Variants in IL1RAPL1 observed in about 807,000 individuals in gnomAD.
IL1RAPL1 encodes interleukin 1 receptor accessory protein like 1, also known as interleukin-1 receptor accessory protein-like 1.
A neutral mutation model predicts 48.4 loss-of-function variants in IL1RAPL1; 3 were observed. The observed-to-expected ratio is 0.06, with a 90% CI of 0.03 to 0.16. The LOEUF is 0.16. IL1RAPL1 is among the 10% of genes least tolerant of loss of function. IL1RAPL1 has a pLI of 1.00. For missense variants in IL1RAPL1, 349 were observed against 530.6 expected (o/e 0.66, Z 3.36); for synonymous variants, 185 against 187.7 (o/e 0.99, Z 0.12).
chrX:29,746,042 T>A (rs777698269), intron 6 of IL1RAPL1, among the ~76,000 whole-genome samples: 4 of 111,915 alleles, frequency 3.6e-5, no homozygotes, highest in African/African-American at 1.3e-4. Flanking sequence ...ATCATATTAG[T>A]GCAATTGTCA....
intron 6 of IL1RAPL1, among the ~76,000 whole-genome samples, chrX:29,792,420 A>G (rs943854512): frequency 1.8e-5 from 2 of 111,741 alleles, no homozygotes; most frequent in African/African-American, 6.5e-5. Context: ...TCAAGATCAC[A>G]GTGTTGGCAG....
chrX:29,002,054 T>C (rs1925866999), intron 2 of IL1RAPL1, among the ~76,000 whole-genome samples: 3 of 109,278 alleles, frequency 2.7e-5, no homozygotes, highest in Non-Finnish European at 5.7e-5. Flanking sequence ...TGCCACTATG[T>C]CCGGCTAATT....
At chrX:28,696,285 T>A (rs762801783) in intron 1 of IL1RAPL1, among the ~76,000 whole-genome samples, 30 of 110,998 alleles carry the variant, frequency 2.7e-4, no homozygotes, top group Non-Finnish European at 4.4e-4. Context: ...TTCTTATATT[T>A]CTATTTAGGA....
chrX:28,874,738 A>T (rs1258788346), intron 2 of IL1RAPL1, among the ~76,000 whole-genome samples: 1 of 112,358 alleles, frequency 8.9e-6, no homozygotes, highest in African/African-American at 3.2e-5. Context: ...TTTCATTTAG[A>T]TTTAAGATGT....
intron 5 of IL1RAPL1, among the ~76,000 whole-genome samples, chrX:29,444,071 G>T (rs1376045958): frequency 8.9e-6 from 1 of 112,399 alleles, no homozygotes; most frequent in African/African-American, 3.2e-5. Context: ...GCTGGGCGCC[G>T]TGGCTCACGC....
At chrX:29,161,870 G>T (rs1484598730) in intron 2 of IL1RAPL1, among the ~76,000 whole-genome samples, 1 of 111,902 alleles carries the variant, frequency 8.9e-6, no homozygotes, top group African/African-American at 3.2e-5. Flanking sequence ...TATACCCAAA[G>T]GATTATAAAT....
chrX:29,495,998 A>G (rs17282718), intron 5 of IL1RAPL1, among the ~76,000 whole-genome samples: 1,572 of 110,855 alleles, frequency 0.014, 15 homozygotes, highest in Middle Eastern at 0.037. Flanking sequence ...GCAAATCTGA[A>G]GACCTCCTAG....
intron 2 of IL1RAPL1, among the ~76,000 whole-genome samples, chrX:29,268,019 A>G (rs1931983626): frequency 9.0e-6 from 1 of 111,176 alleles, no homozygotes; most frequent in African/African-American, 3.3e-5. Flanking sequence ...TGAAGTGTTA[A>G]ATGTTTGGTT....
chrX:28,724,275 C>G (rs72484755), intron 1 of IL1RAPL1, among the ~76,000 whole-genome samples: 14 of 111,402 alleles, frequency 1.3e-4, no homozygotes, highest in Non-Finnish European at 2.3e-4. Context: ...AATCTGGGTG[C>G]TCCTGTATTG....
chrX:29,831,452 G>A (rs961734085), intron 6 of IL1RAPL1, among the ~76,000 whole-genome samples: 2 of 111,660 alleles, frequency 1.8e-5, no homozygotes, highest in Non-Finnish European at 3.8e-5. Context: ...TCTTGGAGCT[G>A]TATAAAAGGA....
intron 6 of IL1RAPL1, among the ~76,000 whole-genome samples, chrX:29,698,296 G>A (rs1439297443): frequency 2.8e-5 from 3 of 108,784 alleles, no homozygotes; most frequent in Non-Finnish European, 3.8e-5. Flanking sequence ...TCAGCCTCCC[G>A]AGTAGCTGGG....
At chrX:29,373,998 T>C (rs1244022648) in intron 3 of IL1RAPL1, among the ~76,000 whole-genome samples, 1 of 102,860 alleles carries the variant, frequency 9.7e-6, no homozygotes, top group Non-Finnish European at 2.0e-5. Flanking sequence ...TGAGCCACAA[T>C]GCCTGGCTGT....
intron 2 of IL1RAPL1, among the ~76,000 whole-genome samples, chrX:29,169,819 G>C (rs1427849380): frequency 9.0e-6 from 1 of 110,904 alleles, no homozygotes; most frequent in Non-Finnish European, 1.9e-5. Context: ...AAGAAAATAT[G>C]TAATAAAATA....
intron 3 of IL1RAPL1, among the ~76,000 whole-genome samples, chrX:29,317,568 G>C (rs953031057): frequency 2.7e-5 from 3 of 112,198 alleles, no homozygotes; most frequent in Non-Finnish European, 5.6e-5. Flanking sequence ...ACCTTAAGGA[G>C]CATCATGAAA....
intron 6 of IL1RAPL1, among the ~76,000 whole-genome samples, chrX:29,860,268 A>G (rs141087210): frequency 1.3e-3 from 147 of 112,045 alleles, no homozygotes; most frequent in African/African-American, 4.6e-3. Context: ...GTGTCAATAA[A>G]CCATATAAAT....
chrX:28,850,115 A>G (rs1365034832), intron 2 of IL1RAPL1, among the ~76,000 whole-genome samples: 1 of 112,381 alleles, frequency 8.9e-6, no homozygotes, highest in Non-Finnish European at 1.9e-5. Context: ...ATTTTTATTT[A>G]TCCATAAGTA....
At chrX:29,052,387 C>T (rs751344053) in intron 2 of IL1RAPL1, among the ~76,000 whole-genome samples, 1 of 111,457 alleles carries the variant, frequency 9.0e-6, no homozygotes, top group East Asian at 2.8e-4. Flanking sequence ...ACCTCTCTTA[C>T]AAGCACCCAG....
At chrX:29,757,307 G>A (rs1032390365) in intron 6 of IL1RAPL1, among the ~76,000 whole-genome samples, 8 of 111,784 alleles carry the variant, frequency 7.2e-5, no homozygotes, top group Middle Eastern at 4.3e-3. Context: ...TTACCTCTCC[G>A]GCCATGCCAA....
At chrX:29,256,860 G>C (rs772899602) in intron 2 of IL1RAPL1, among the ~76,000 whole-genome samples, 1 of 111,432 alleles carries the variant, frequency 9.0e-6, no homozygotes, top group African/African-American at 3.3e-5. Context: ...CTTTTAAAAT[G>C]TGCATTTTGC....
Sources: allele counts gnomAD v4.1 joint callset (sites outside exome capture counted in the v4.1 genomes callset), GRCh38; gene constraint gnomAD v4.1.1; transcripts MANE v1.5; gene names NCBI Gene and HGNC (gene_info 2026-07-23, HGNC 2026-07-21).